SMAD1: variants seen among roughly 807,000 people sequenced by gnomAD.
The protein encoded by SMAD1 is MAD, mothers against decapentaplegic homolog 1.
A neutral mutation model predicts 41.6 loss-of-function variants in SMAD1; 6 were observed. The observed-to-expected ratio is 0.14, with a 90% CI of 0.08 to 0.28. The LOEUF is 0.28. Among genes scored for constraint, SMAD1 ranks in the 10% least tolerant of loss-of-function variants. The probability of loss-of-function intolerance (pLI) is 1.00; values close to 1 mark genes in which losing one functional copy is unlikely to be tolerated. For missense variants in SMAD1, 379 were observed against 582.6 expected, an observed-to-expected ratio of 0.65 and a Z score of 3.60; for synonymous variants, 206 against 203.2, an observed-to-expected ratio of 1.01 and a Z score of -0.12.
intron 1 of SMAD1, among the ~76,000 whole-genome samples, chr4:145,499,381 G>A (rs1243035538): frequency 6.6e-6 from 1 of 152,172 alleles, no homozygotes; most frequent in Non-Finnish European, 1.5e-5. Flanking sequence ...CCAACCCTTT[G>A]GGAGGCTGAA....
chr4:145,490,532 T>C (rs1450186087), intron 1 of SMAD1, among the ~76,000 whole-genome samples: 1 of 152,204 alleles, frequency 6.6e-6, no homozygotes, highest in East Asian at 1.9e-4. Flanking sequence ...TTGTTACTTT[T>C]TGGTATCACT....
intron 6 of SMAD1, among the ~76,000 whole-genome samples, chr4:145,554,580 G>C (rs1289916445): frequency 6.6e-6 from 1 of 152,068 alleles, no homozygotes; most frequent in Non-Finnish European, 1.5e-5. Context: ...AGTTAATAAG[G>C]CCCTTGCCCA....
Position 145,539,884 on chromosome 4 carries a change from C to T in SMAD1, c.481C>T (p.Gln161Ter). The change falls in exon 3 of 7, where the codon CAA (glutamine) becomes TAA (stop). Residue 161 changes from glutamine (Q) to a stop codon, truncating the protein, a stop_gained. Transcript: ENST00000302085. LOFTEE classifies it high-confidence loss of function. Reference protein sequence around the residue: ...SLLAQFRNLGQNEPHMPLNAT... With the variant: ...SLLAQFRNLG ...CTTAGCTCAGTTCCGTAACTTAGGA[C>T]AAAATGAGCCTCACATGCCACTCAA... is the stretch of plus-strand genomic sequence containing the variant. The T allele has an allele frequency of 6.2e-7, 1 of 1,613,996 alleles. No individual in the cohort carries two copies. Among genetic ancestry groups the T allele is most frequent in the Non-Finnish European group, 8.5e-7 (1 of 1,179,990 alleles).
chr4:145,537,076 A>T (rs1037433865), intron 2 of SMAD1, among the ~76,000 whole-genome samples: 1 of 152,228 alleles, frequency 6.6e-6, no homozygotes, highest in African/African-American at 2.4e-5. Flanking sequence ...ACTATTCCAG[A>T]TTACAGGACA....
intron 2 of SMAD1, among the ~76,000 whole-genome samples, chr4:145,521,886 C>G (rs912153993): frequency 4.6e-5 from 6 of 130,564 alleles, no homozygotes; most frequent in Admixed American, 1.6e-4. Flanking sequence ...CTTGATTTAA[C>G]AAATGGTTTT....
rs1192235027 is a variant in SMAD1, at chr4:145,482,226, C to G, written c.-177+188C>G. 7.6e-6 allele frequency among the ~76,000 whole-genome samples: 1 copy of G among 132,374 alleles called. No individual in the cohort carries two copies. The highest frequency in any genetic ancestry group is 2.2e-4 in the East Asian group (1 of 4,522). 86.8% of individuals were successfully genotyped at this position (132,374 alleles called of 152,430 possible). ...TTTCTGCGCGGGGCGGGCCGCGACC[C>G]CCCCCCCCCATGATGGCGCCTCCCG... On this transcript the variant is annotated intron_variant, in intron 1 of 6. Coordinates refer to ENST00000302085, the MANE Select transcript of SMAD1 (RefSeq NM_005900.3). The surrounding 1 kb of genome is among the most constrained non-coding windows in gnomAD (Gnocchi z 4.2).
chr4:145,489,630 G>T (rs1001184827), intron 1 of SMAD1, among the ~76,000 whole-genome samples: 1 of 152,188 alleles, frequency 6.6e-6, no homozygotes, highest in African/African-American at 2.4e-5. Flanking sequence ...AGAGCTGGTT[G>T]TAGAAGAAAT....
At chr4:145,554,428 T>G (rs1269921768) in intron 6 of SMAD1, among the ~76,000 whole-genome samples, 1 of 152,220 alleles carries the variant, frequency 6.6e-6, no homozygotes, top group African/African-American at 2.4e-5. Context: ...TTTGTACTTT[T>G]ATGATGGTAA....
chr4:145,542,245 G>A (rs944315073), intron 3 of SMAD1, among the ~76,000 whole-genome samples: 1 of 152,204 alleles, frequency 6.6e-6, no homozygotes, highest in Admixed American at 6.5e-5. Flanking sequence ...GAAATGCAGA[G>A]GTCCTCTCAA....
chr4:145,554,168 C>G (rs185409002), intron 6 of SMAD1, 128 bp downstream of exon 6: 1 of 859,706 alleles, frequency 1.2e-6, no homozygotes, highest in African/African-American at 1.8e-5. Context: ...GACTTATTAT[C>G]TAGGCATTTT....
chr4:145,537,733 T>TA (rs964400403), intron 2 of SMAD1, among the ~76,000 whole-genome samples: 1 of 152,138 alleles, frequency 6.6e-6, no homozygotes, highest in Non-Finnish European at 1.5e-5. Context: ...GAAGCAGAAA[T>TA]ACATTGCCCT....
chr4:145,531,937 C>T (rs763142523), intron 2 of SMAD1, among the ~76,000 whole-genome samples: 54 of 151,984 alleles, frequency 3.6e-4, no homozygotes, highest in Non-Finnish European at 1.8e-4. Context: ...TCACAGCCCA[C>T]GTGGGGATTT....
At chr4:145,524,083 A>G (rs1730902602) in intron 2 of SMAD1, among the ~76,000 whole-genome samples, 1 of 152,090 alleles carries the variant, frequency 6.6e-6, no homozygotes, top group African/African-American at 2.4e-5. Flanking sequence ...CTTTTTTGAA[A>G]AAGCACAAGG....
intron 1 of SMAD1, chr4:145,498,078 A>G (rs2126309869): frequency 6.6e-6 from 1 of 152,382 alleles, no homozygotes; most frequent in African/African-American, 2.4e-5. Flanking sequence ...TGTAATGGAA[A>G]AAGGACAGGA....
chr4:145,557,117 T>C (rs1357077339), intron 6 of SMAD1, among the ~76,000 whole-genome samples: 1 of 152,192 alleles, frequency 6.6e-6, no homozygotes, highest in Non-Finnish European at 1.5e-5. Context: ...CACCAATGAG[T>C]TTTTGATCTT....
intron 1 of SMAD1, among the ~76,000 whole-genome samples, chr4:145,485,143 A>G (rs1728419291): frequency 6.6e-6 from 1 of 152,150 alleles, no homozygotes; most frequent in African/African-American, 2.4e-5. Flanking sequence ...ATCATGGCTC[A>G]CTGCAGCCTC....
intron 1 of SMAD1, among the ~76,000 whole-genome samples, chr4:145,489,425 T>G (rs1728659946): frequency 1.3e-5 from 2 of 152,080 alleles, no homozygotes; most frequent in Admixed American, 1.3e-4. Flanking sequence ...TGTGAGATGA[T>G]AAATCTCTGG....
chr4:145,501,462 T>C (rs1264570784), intron 1 of SMAD1, among the ~76,000 whole-genome samples: 3 of 152,326 alleles, frequency 2.0e-5, no homozygotes, highest in Non-Finnish European at 2.9e-5. Flanking sequence ...GATTAAATTA[T>C]GCAATTAAGA....
In SMAD1 at chr4:145,527,155, A is replaced by G. The variant is rs1200444213; in HGVS notation, c.400+12142A>G. Among the ~76,000 whole-genome samples the G allele has an allele frequency of 2.6e-5, 4 of 152,178 alleles. No individual in the cohort carries two copies. In the East Asian group the frequency reaches 5.8e-4, roughly 22 times the overall value. Reference sequence around the variant, plus strand: ...TTAGAATAAAATATTAATAAAGTTAAAATAGTGACTTTTTATGCTTTCTGT... The same window carrying G: ...TTAGAATAAAATATTAATAAAGTTAGAATAGTGACTTTTTATGCTTTCTGT... On this transcript the variant is annotated intron_variant, in intron 2 of 6. Transcript: ENST00000302085.
Sources: gnomAD v4.1 joint callset for allele counts (sites outside exome capture counted in the v4.1 genomes callset) on GRCh38, gnomAD v4.1.1 for gene constraint, Gnocchi (gnomAD v3.1) non-coding constraint, MANE v1.5 for transcripts, NCBI Gene and HGNC (gene_info 2026-07-23, HGNC 2026-07-21) for gene names.